The following AP2A2 variants were observed in gnomAD, a reference collection of about 807,000 sequenced individuals.
AP2A2 encodes adaptor related protein complex 2 subunit alpha 2, also known as AP-2 complex subunit alpha-2.
In AP2A2, 32 loss-of-function variants were observed where a neutral mutation model predicts 104.2. That is an observed-to-expected ratio of 0.31 (90% CI 0.23 to 0.41). AP2A2 has a LOEUF of 0.41. Ranked by LOEUF, AP2A2 falls within the 10% of genes least tolerant of loss-of-function variation. The probability of loss-of-function intolerance (pLI) is 1.00; values close to 1 mark genes in which losing one functional copy is unlikely to be tolerated. For missense variants in AP2A2, 912 were observed against 1,261.0 expected, an observed-to-expected ratio of 0.72 and a Z score of 4.19; for synonymous variants, 539 against 533.3, an observed-to-expected ratio of 1.01 and a Z score of -0.15.
At chr11:952,722 C>G (rs764997660) in intron 1 of AP2A2, among the ~76,000 whole-genome samples, 1 of 152,080 alleles carries the variant, frequency 6.6e-6, no homozygotes, top group African/African-American at 2.4e-5. Context: ...AGATCAGACT[C>G]TGTGTGGCTG....
Position 978,526 on chromosome 11 carries a change from T to G in AP2A2, c.603+1302T>G, listed in dbSNP as rs185893811. ...TTCACCAGGCACTTGAGTCAGCATA[T>G]TCTTGGTTATAGGCAACGGAAACTC... On this transcript the variant is annotated intron_variant, in intron 5 of 21. Transcript: ENST00000448903. Among the ~76,000 whole-genome samples the G allele has an allele frequency of 4.1e-4, 63 of 152,296 alleles. 1 individual carries two copies. The highest frequency in any genetic ancestry group is 3.9e-3 in the Admixed American group (60 of 15,302).
intron 9 of AP2A2, 65 bp from the exon 10 acceptor site, chr11:988,487 C>T: frequency 6.3e-7 from 1 of 1,576,902 alleles, no homozygotes; most frequent in South Asian, 1.1e-5. Context: ...CCGAGCCTGT[C>T]CCCAGCCTGT....
intron 1 of AP2A2, among the ~76,000 whole-genome samples, chr11:953,980 G>A (rs1186247393): frequency 6.6e-6 from 1 of 151,960 alleles, no homozygotes; most frequent in African/African-American, 2.4e-5. Context: ...GATTGCAGGC[G>A]CCTGCCACCA....
chr11:994,554 C>G (rs560698377), intron 14 of AP2A2, among the ~76,000 whole-genome samples: 30 of 147,984 alleles, frequency 2.0e-4, no homozygotes, highest in African/African-American at 6.3e-4. Context: ...CTGGCCTGTC[C>G]CGGGGGCCAC....
intron 1 of AP2A2, among the ~76,000 whole-genome samples, chr11:945,235 G>C (rs1853792806): frequency 6.6e-6 from 1 of 152,180 alleles, no homozygotes; most frequent in South Asian, 2.1e-4. Flanking sequence ...CGGGAATGTG[G>C]CTGGAGACCA....
At chr11:963,566 G>A (rs749482216) in intron 2 of AP2A2, among the ~76,000 whole-genome samples, 3 of 152,180 alleles carry the variant, frequency 2.0e-5, no homozygotes, top group Non-Finnish European at 2.9e-5. Context: ...TGTGGCATGA[G>A]GCTGCTGTGT....
intron 1 of AP2A2, among the ~76,000 whole-genome samples, chr11:929,652 C>T (rs1205117917): frequency 6.6e-6 from 1 of 152,120 alleles, no homozygotes; most frequent in Non-Finnish European, 1.5e-5. Context: ...AAGAATTAGC[C>T]AGGCGTGGTG....
chr11:954,530 ATC>A (rs1444199921), intron 1 of AP2A2, among the ~76,000 whole-genome samples: 1 of 151,620 alleles, frequency 6.6e-6, no homozygotes, highest in African/African-American at 2.4e-5. Context: ...ATTTCTGTGT[ATC>A]TGTGTATTTG....
At chr11:989,221 G>A (rs1168766663) in intron 10 of AP2A2, among the ~76,000 whole-genome samples, 1 of 152,126 alleles carries the variant, frequency 6.6e-6, no homozygotes, top group Non-Finnish European at 1.5e-5. Context: ...CAGCTACTCC[G>A]GAGGCTGAGG....
In AP2A2 at chr11:985,463, G is replaced by T; in HGVS notation, c.843G>T (p.Glu281Asp). 6.2e-7 allele frequency: 1 copy of T among 1,613,988 alleles called. No individual in the cohort carries two copies. Among genetic ancestry groups the T allele is most frequent in the Non-Finnish European group, 8.5e-7 (1 of 1,179,896 alleles). Residue 281 changes from glutamate (E) to aspartate (D), a missense_variant, in exon 8 of 22, where the codon GAG (glutamate) becomes GAT (aspartate). This residue lies in a region of AP2A2 where 350 missense variants were observed against 487.0 expected (regional missense o/e 0.72). Transcript: ENST00000448903. The stretch of plus-strand genomic sequence containing the variant: ...CTGCAGTGCGAGGCCGCCTGACTGA[G>T]TGCCTGGAGACCATCCTGAACAAAG... The part of the protein sequence containing the change: ...PDPAVRGRLT[E>D]CLETILNKAQ...
intron 3 of AP2A2, 63 bp from the exon 4 acceptor site, chr11:971,999 T>G (rs1040802095): frequency 4.7e-6 from 7 of 1,487,214 alleles, no homozygotes; most frequent in Non-Finnish European, 5.5e-6. Context: ...GTTGGGTGAC[T>G]CAGGGCCACA....
intron 1 of AP2A2, chr11:932,863 C>A: frequency 2.5e-6 from 1 of 404,246 alleles, no homozygotes; most frequent in Non-Finnish European, 4.9e-6. Flanking sequence ...ACTTCTCTTT[C>A]CTCTTAAAAT....
At chr11:1,004,909 C>T (rs911514166) in intron 16 of AP2A2, among the ~76,000 whole-genome samples, 9 of 152,136 alleles carry the variant, frequency 5.9e-5, no homozygotes, top group African/African-American at 1.9e-4. Flanking sequence ...TACAGTAGTG[C>T]GGGCACTGTG....
rs1335709459 is a variant in AP2A2, at chr11:1,010,629, T to C, written c.*4T>C. 20 of 1,587,862 alleles carry C rather than the reference T, an allele frequency of 1.3e-5. No homozygotes were observed. The highest frequency in any genetic ancestry group is 1.7e-5 in the Non-Finnish European group (20 of 1,166,590). On this transcript the variant is annotated 3_prime_UTR_variant, in exon 22 of 22. Transcript: ENST00000448903. ...ATTGCTCTCAGCGCAGTTTTAGTCC[T>C]GAGGATGGAAGACCAGGCTCGTGTG...
intron 9 of AP2A2, among the ~76,000 whole-genome samples, chr11:988,260 A>G (rs995307174): frequency 6.6e-6 from 1 of 152,200 alleles, no homozygotes; most frequent in Admixed American, 6.5e-5. Flanking sequence ...GTCCTAGCGA[A>G]GCTGGCCCTT....
chr11:927,688 A>G (rs1853163840), intron 1 of AP2A2, among the ~76,000 whole-genome samples: 1 of 151,720 alleles, frequency 6.6e-6, no homozygotes, highest in Non-Finnish European at 1.5e-5. Flanking sequence ...GTATTGGTGT[A>G]CACATCTATA....
intron 17 of AP2A2, 129 bp from the exon 18 acceptor site, chr11:1,007,883 G>T: frequency 2.1e-5 from 29 of 1,371,966 alleles, no homozygotes; most frequent in Non-Finnish European, 2.9e-5. Context: ...GGCTGCCCTC[G>T]ACCCGTAGCT....
chr11:946,344 AG>A (rs1853831833), intron 1 of AP2A2: 1 of 152,288 alleles, frequency 6.6e-6, no homozygotes, highest in Non-Finnish European at 1.5e-5. Flanking sequence ...TCCCGGCTGC[AG>A]AGCATGTCAC....
Position 1,000,309 on chromosome 11 carries a change from C to T in AP2A2, c.1957-123C>T, listed in dbSNP as rs1446065388. The stretch of plus-strand genomic sequence containing the variant: ...TCACTGAGTTGTGTGCCACCTGCCC[C>T]AGCCACTGGGAGTGCATGGATGCCA... On this transcript the variant is annotated intron_variant, in intron 14 of 21. Transcript: ENST00000448903. 6.4e-6 allele frequency: 6 copies of T among 941,126 alleles called. No individual in the cohort carries two copies. The East Asian group carries it at 7.9e-5, about 12-fold the overall frequency. 58.3% of individuals were successfully genotyped at this position (941,126 alleles called of 1,614,324 possible).
Sources: allele counts gnomAD v4.1 joint callset (sites outside exome capture counted in the v4.1 genomes callset), GRCh38; gene constraint gnomAD v4.1.1; regional missense constraint gnomAD v4.1.1; transcripts MANE v1.5; gene names NCBI Gene and HGNC (gene_info 2026-07-23, HGNC 2026-07-21).